The following LMX1A variants were observed in gnomAD, a reference collection of about 807,000 sequenced individuals.
LMX1A encodes LIM homeobox transcription factor 1 alpha.
A neutral mutation model predicts 49.1 loss-of-function variants in LMX1A; 15 were observed. That is an observed-to-expected ratio of 0.31 (90% CI 0.20 to 0.47). The LOEUF is 0.47. Ranked by LOEUF, LMX1A falls within the 20% of genes least tolerant of loss-of-function variation. LMX1A has a pLI of 1.00. For missense variants in LMX1A, 372 were observed against 475.8 expected (o/e 0.78, Z 2.03); for synonymous variants, 167 against 185.7 (o/e 0.90, Z 0.82).
At chr1:165,293,260 T>A (rs1386049250) in intron 3 of LMX1A, among the ~76,000 whole-genome samples, 2 of 152,216 alleles carry the variant, frequency 1.3e-5, no homozygotes, top group Non-Finnish European at 2.9e-5. Flanking sequence ...TGAGTTTTAT[T>A]TTTCATGGGC....
chr1:165,319,255 C>A (rs1655312939), intron 3 of LMX1A, among the ~76,000 whole-genome samples: 1 of 151,952 alleles, frequency 6.6e-6, no homozygotes, highest in African/African-American at 2.4e-5. Flanking sequence ...GATACAACTG[C>A]TGGAAAGAAT....
intron 4 of LMX1A, among the ~76,000 whole-genome samples, chr1:165,224,896 C>T (rs1157105699): frequency 6.6e-6 from 1 of 152,176 alleles, no homozygotes; most frequent in Non-Finnish European, 1.5e-5. Flanking sequence ...GAATCTCTTT[C>T]ACATTGATAT....
At chr1:165,249,150 CTG>C (rs10650881) in intron 4 of LMX1A, among the ~76,000 whole-genome samples, 1 of 152,066 alleles carries the variant, frequency 6.6e-6, no homozygotes, top group Non-Finnish European at 1.5e-5. Context: ...CCGGACATTT[CTG>C]TGTGTGTGTG....
At position 165,348,523 on chromosome 1, in the gene LMX1A, T is replaced by A. The variant is rs1656319622; in HGVS notation, c.263+4553A>T. 2.0e-5 allele frequency among the ~76,000 whole-genome samples: 3 copies of A among 152,276 alleles called. No individual in the cohort carries two copies. In the South Asian group the frequency reaches 6.2e-4, roughly 32 times the overall value. On this transcript the variant is annotated intron_variant, in intron 3 of 8. Transcript: ENST00000342310. Reference sequence around the variant, plus strand: ...AGCCCCCTGCAATTTAACACAGACATCAGTTTATTGCCTAGCTGTGTTTGA... The same window carrying A: ...AGCCCCCTGCAATTTAACACAGACAACAGTTTATTGCCTAGCTGTGTTTGA...
intron 4 of LMX1A, among the ~76,000 whole-genome samples, chr1:165,214,570 A>C (rs1202183778): frequency 6.6e-6 from 1 of 152,226 alleles, no homozygotes; most frequent in Non-Finnish European, 1.5e-5. Context: ...GAGTGCCCTA[A>C]ATGCCAATGA....
chr1:165,210,665 A>G (rs749348739), intron 6 of LMX1A, 34 bp downstream of exon 6: 2 of 1,532,112 alleles, frequency 1.3e-6, no homozygotes, highest in Non-Finnish European at 1.8e-6. Flanking sequence ...GAAACCAGCA[A>G]CATGGGGACA....
chr1:165,246,398 C>A (rs1652850164), intron 4 of LMX1A, among the ~76,000 whole-genome samples: 1 of 152,140 alleles, frequency 6.6e-6, no homozygotes, highest in African/African-American at 2.4e-5. Flanking sequence ...TTTAAAACTA[C>A]AACAATAATT....
chr1:165,291,648 T>A (rs1224674019), intron 3 of LMX1A, among the ~76,000 whole-genome samples: 7 of 151,992 alleles, frequency 4.6e-5, no homozygotes, highest in African/African-American at 1.7e-4. Context: ...CCCTGAGAGG[T>A]TCTGGCATCA....
chr1:165,333,619 AC>A (rs1655814475), intron 3 of LMX1A, among the ~76,000 whole-genome samples: 1 of 152,294 alleles, frequency 6.6e-6, no homozygotes, highest in African/African-American at 2.4e-5. Flanking sequence ...TCTCTTCTAC[AC>A]AGTTTTTCTC....
intron 3 of LMX1A, among the ~76,000 whole-genome samples, chr1:165,250,000 T>C (rs1652997629): frequency 7.3e-6 from 1 of 136,732 alleles, no homozygotes; most frequent in Non-Finnish European, 1.6e-5. Context: ...CATCACTGCA[T>C]GTTCTCACTT....
chr1:165,333,630 C>G (rs1327423041), intron 3 of LMX1A, among the ~76,000 whole-genome samples: 1 of 152,176 alleles, frequency 6.6e-6, no homozygotes, highest in East Asian at 1.9e-4. Flanking sequence ...CAGTTTTTCT[C>G]TAAATGATAA....
intron 3 of LMX1A, among the ~76,000 whole-genome samples, chr1:165,302,055 C>T (rs1654796110): frequency 6.6e-6 from 1 of 152,286 alleles, no homozygotes; most frequent in East Asian, 1.9e-4. Flanking sequence ...CCCAAGTTCA[C>T]ACAGACAGAC....
chr1:165,323,807 T>TC (rs397819192), intron 3 of LMX1A, among the ~76,000 whole-genome samples: 1 of 151,942 alleles, frequency 6.6e-6, no homozygotes, highest in Non-Finnish European at 1.5e-5. Context: ...CTCAATACTT[T>TC]CACATCTGTG....
intron 4 of LMX1A, among the ~76,000 whole-genome samples, chr1:165,236,432 A>G (rs1308128465): frequency 6.6e-6 from 1 of 152,158 alleles, no homozygotes; most frequent in East Asian, 1.9e-4. Context: ...GATTCTTGCC[A>G]TATCTAGAGA....
chr1:165,352,500 G>T (rs1656459340), intron 3 of LMX1A, among the ~76,000 whole-genome samples: 1 of 152,226 alleles, frequency 6.6e-6, no homozygotes, highest in African/African-American at 2.4e-5. Flanking sequence ...TGTGCGCTTA[G>T]CTCCGAATGG....
intron 3 of LMX1A, among the ~76,000 whole-genome samples, chr1:165,282,657 C>T (rs1023541161): frequency 3.3e-5 from 5 of 152,144 alleles, no homozygotes; most frequent in Admixed American, 2.6e-4. Flanking sequence ...TGCCTCCATC[C>T]ATGCTTCCAC....
intron 3 of LMX1A, among the ~76,000 whole-genome samples, chr1:165,294,852 T>C (rs1186261879): frequency 6.6e-6 from 1 of 151,952 alleles, no homozygotes; most frequent in African/African-American, 2.4e-5. Context: ...TAATCCCAGC[T>C]ACATGGGAGG....
chr1:165,294,143 G>A (rs900089520), intron 3 of LMX1A, among the ~76,000 whole-genome samples: 3 of 152,124 alleles, frequency 2.0e-5, no homozygotes, highest in East Asian at 1.9e-4. Context: ...CAAGTCTGAC[G>A]CTAGCAACTG....
intron 3 of LMX1A, among the ~76,000 whole-genome samples, chr1:165,350,700 A>G (rs6693619): frequency 0.2 from 30,709 of 152,150 alleles, 3,436 homozygotes; most frequent in African/African-American, 0.29. Flanking sequence ...GAAAAAAGGA[A>G]TTTTAAAAAG....
Sources: allele counts gnomAD v4.1 joint callset (sites outside exome capture counted in the v4.1 genomes callset), GRCh38; gene constraint gnomAD v4.1.1; transcripts MANE v1.5; gene names NCBI Gene and HGNC (gene_info 2026-07-23, HGNC 2026-07-21).